Variants in TACC1 observed in about 807,000 individuals in gnomAD.
TACC1 encodes the protein transforming acidic coiled-coil-containing protein 1.
TACC1 carries 48 observed loss-of-function variants against 84.4 expected under a neutral mutation model. The ratio of observed to expected loss-of-function variants is 0.57; its 90% CI spans 0.45 to 0.72. The LOEUF (loss-of-function observed/expected upper bound fraction) is 0.72, where lower values mean the gene tolerates loss of function less well. Ranked by LOEUF, TACC1 falls within the 30% of genes least tolerant of loss-of-function variation. The probability of loss-of-function intolerance (pLI) is 0.00; values close to 1 mark genes in which losing one functional copy is unlikely to be tolerated. For missense variants in TACC1, 920 were observed against 973.0 expected, an observed-to-expected ratio of 0.95 and a Z score of 0.72; for synonymous variants, 372 against 376.3, an observed-to-expected ratio of 0.99 and a Z score of 0.13.
In TACC1 at chr8:38,752,597, C is replaced by G. The variant is rs73611022; in HGVS notation, c.26+7104C>G. Among the ~76,000 whole-genome samples, 1,022 of 152,240 alleles carry G rather than the reference C, an allele frequency of 6.7e-3. 11 individuals carry two copies. Among genetic ancestry groups the G allele is most frequent in the African/African-American group, 0.024 (979 of 41,534 alleles). The stretch of plus-strand genomic sequence containing the variant: ...TAACCACGGACATGAAATTCTACCC[C>G]ACTTGGACTCCATCACAGGCCATGT... On this transcript the variant is annotated intron_variant, in intron 3 of 14. Transcript: ENST00000518415.
At chr8:38,784,742 A>T (rs1816786256), upstream of TACC1, among the ~76,000 whole-genome samples, 1 of 152,154 alleles carries the variant, frequency 6.6e-6, no homozygotes, top group South Asian at 2.1e-4. Flanking sequence ...GTAAACTAGA[A>T]TGTTTGTTTT....
At chr8:38,808,300 G>A (rs1324974699) in intron 2 of TACC1, among the ~76,000 whole-genome samples, 1 of 152,212 alleles carries the variant, frequency 6.6e-6, no homozygotes, top group Admixed American at 6.5e-5. Flanking sequence ...TGACAGCTGT[G>A]GCCCAAACTC....
intron 3 of TACC1, among the ~76,000 whole-genome samples, chr8:38,822,495 A>C (rs1827102933): frequency 6.6e-6 from 1 of 152,150 alleles, no homozygotes; most frequent in African/African-American, 2.4e-5. Context: ...AGCTTCTATA[A>C]ACACGGTACA....
intron 1 of TACC1, among the ~76,000 whole-genome samples, chr8:38,731,830 G>A (rs1229295156): frequency 6.6e-6 from 1 of 152,150 alleles, no homozygotes; most frequent in Non-Finnish European, 1.5e-5. Flanking sequence ...AGTAAGTGTA[G>A]GCTGGGTGTG....
At chr8:38,830,920 A>G (rs1358779496) in intron 5 of TACC1, among the ~76,000 whole-genome samples, 1 of 152,200 alleles carries the variant, frequency 6.6e-6, no homozygotes, top group Non-Finnish European at 1.5e-5. Flanking sequence ...TTTGTGGCTG[A>G]CTAACCATGT....
chr8:38,851,557 G>T lies in TACC1; in HGVS notation c.*3534G>T. On this transcript the variant is annotated 3_prime_UTR_variant, in exon 13 of 13. Coordinates refer to ENST00000317827, the MANE Select transcript of TACC1 (RefSeq NM_006283.3). ...GATTTCAGCACATTCTTTTTTAGTG[G>T]AGTGAAAGTTCTGAAGCCCCCTTTT... 5.2e-6 allele frequency: 1 copy of T among 192,672 alleles called. No homozygotes were observed. The highest frequency in any genetic ancestry group is 1.1e-5 in the Non-Finnish European group (1 of 90,682). The allele number at this position is 192,672 out of a possible 1,614,324, so 11.9% of individuals were successfully genotyped here. A position where few individuals can be genotyped will look rare whatever the true frequency, so the allele number is the denominator to read the frequency against.
intron 12 of TACC1, among the ~76,000 whole-genome samples, chr8:38,847,246 T>C (rs1832487927): frequency 6.6e-6 from 1 of 152,208 alleles, no homozygotes; most frequent in Admixed American, 6.5e-5. Context: ...ATATATTTGT[T>C]TGGTTGTCAC....
At chr8:38,742,435 A>G in exon 2 of TACC1, 1 of 1,530,150 alleles carries the variant, frequency 6.5e-7, no homozygotes. Context: ...ATCAAATGCA[A>G]AGACAAACCA....
At chr8:38,798,098 T>G (rs1174206195) in intron 2 of TACC1, among the ~76,000 whole-genome samples, 1 of 151,926 alleles carries the variant, frequency 6.6e-6, no homozygotes, top group Non-Finnish European at 1.5e-5. Flanking sequence ...CCTTTAGAGA[T>G]ACGGTTTGGG....
chr8:38,748,631 A>T (rs1335716567), intron 3 of TACC1, among the ~76,000 whole-genome samples: 1 of 152,184 alleles, frequency 6.6e-6, no homozygotes, highest in East Asian at 1.9e-4. Context: ...TTGGAAACCA[A>T]AAACAATAAG....
intron 2 of TACC1, among the ~76,000 whole-genome samples, chr8:38,806,685 C>CA (rs1822825218): frequency 1.3e-5 from 2 of 152,118 alleles, no homozygotes; most frequent in Non-Finnish European, 2.9e-5. Context: ...CTGTTTCTTA[C>CA]TGCTCAGTAG....
At position 38,758,883 on chromosome 8, in the gene TACC1, G is replaced by A. The variant is rs144862630; in HGVS notation, c.26+13390G>A. 6.6e-5 allele frequency among the ~76,000 whole-genome samples: 10 copies of A among 152,154 alleles called. No homozygotes were observed. The East Asian group carries it at 1.9e-3, about 29-fold the overall frequency. On this transcript the variant is annotated intron_variant, in intron 3 of 14. Coordinates refer to the TACC1 transcript ENST00000518415. ...TCCAAGGTCACACAGCTAGAAAGTG[G>A]TGGACCCCAGAGCTCATGCCGCAGC...
In TACC1 at chr8:38,852,598, G is replaced by A. The variant is rs1330198882; in HGVS notation, c.*4575G>A. 1 of 152,584 alleles carries A rather than the reference G, an allele frequency of 6.6e-6. No homozygotes were observed. The highest frequency in any genetic ancestry group is 2.4e-5 in the African/African-American group (1 of 41,432). 9.5% of individuals were successfully genotyped at this position (152,584 alleles called of 1,614,324 possible). ...TCCAGATACAGGGCAGCGTGTAGGT[G>A]ACCACACCAGAGCCTCAGCCTCGGT... On this transcript the variant is annotated 3_prime_UTR_variant, in exon 13 of 13. Transcript: ENST00000317827.
At chr8:38,784,754 T>C (rs1816787451), upstream of TACC1, among the ~76,000 whole-genome samples, 1 of 152,204 alleles carries the variant, frequency 6.6e-6, no homozygotes, top group Non-Finnish European at 1.5e-5. Flanking sequence ...GTTTGTTTTT[T>C]CTTACATATA....
At chr8:38,842,089 C>T (rs1831389802) in intron 9 of TACC1, among the ~76,000 whole-genome samples, 198 bp from the exon 10 acceptor site, 1 of 152,076 alleles carries the variant, frequency 6.6e-6, no homozygotes, top group Non-Finnish European at 1.5e-5. Flanking sequence ...CCCTCCCCGC[C>T]CCCATTCCTC....
Position 38,772,861 on chromosome 8 carries a change from TATAA to T in TACC1, c.27-15837_27-15834del, listed in dbSNP as rs573255578. 7.0e-4 allele frequency among the ~76,000 whole-genome samples: 107 copies of T among 152,152 alleles called. 2 individuals are homozygous for T. The South Asian group carries it at 0.022, about 31-fold the overall frequency. The stretch of plus-strand genomic sequence containing the variant: ...AATATCAATAAATTTTATGTATTAA[TATAA>T]ATAAACACTAATAAAACAAATATTT... On this transcript the variant is annotated intron_variant, in intron 3 of 14. Coordinates refer to the TACC1 transcript ENST00000518415.
At chr8:38,761,039 G>A (rs1332035563) in intron 3 of TACC1, among the ~76,000 whole-genome samples, 1 of 152,184 alleles carries the variant, frequency 6.6e-6, no homozygotes, top group Non-Finnish European at 1.5e-5. Flanking sequence ...TCTGAGAAAA[G>A]CAAGGCAATA....
chr8:38,770,015 G>C (rs980735737), intron 3 of TACC1, among the ~76,000 whole-genome samples: 2 of 150,938 alleles, frequency 1.3e-5, no homozygotes, highest in African/African-American at 4.9e-5. Flanking sequence ...TGCTGGGGGA[G>C]GTGCATGTGT....
intron 3 of TACC1, among the ~76,000 whole-genome samples, chr8:38,770,710 C>A (rs1156354477): frequency 2.0e-5 from 3 of 151,848 alleles, no homozygotes; most frequent in Non-Finnish European, 4.4e-5. Context: ...TTCTGAATAT[C>A]TTATTTGGGG....
Sources: allele counts gnomAD v4.1 joint callset (sites outside exome capture counted in the v4.1 genomes callset), GRCh38; gene constraint gnomAD v4.1.1; transcripts MANE v1.5; gene names NCBI Gene and HGNC (gene_info 2026-07-23, HGNC 2026-07-21).